The following RUNDC3B variants were observed in gnomAD, a reference collection of about 807,000 sequenced individuals.
RUNDC3B encodes RUN domain-containing protein 3B.
In RUNDC3B, 33 loss-of-function variants were observed where a neutral mutation model predicts 58.4. That is an observed-to-expected ratio of 0.56 (90% CI 0.43 to 0.75). The LOEUF is 0.75. Among genes scored for constraint, RUNDC3B ranks in the 30% least tolerant of loss-of-function variants. The pLI is 0.00. For synonymous variants in RUNDC3B, 193 were observed against 195.2 expected (o/e 0.99, Z 0.10); for missense variants, 501 against 535.7 (o/e 0.94, Z 0.64).
intron 8 of RUNDC3B, among the ~76,000 whole-genome samples, chr7:87,796,792 G>A (rs1835845447): frequency 1.3e-5 from 2 of 152,192 alleles, no homozygotes; most frequent in Admixed American, 6.5e-5. Flanking sequence ...TGCCTTGCAA[G>A]AGGGAGTCCT....
At chr7:87,666,417 A>AT (rs1211829083) in intron 2 of RUNDC3B, among the ~76,000 whole-genome samples, 1 of 151,880 alleles carries the variant, frequency 6.6e-6, no homozygotes, top group Admixed American at 6.6e-5. Flanking sequence ...GTTTGTAAAT[A>AT]TTTTTTTCCC....
chr7:87,803,156 T>C (rs1258775503), intron 8 of RUNDC3B, among the ~76,000 whole-genome samples: 2 of 152,188 alleles, frequency 1.3e-5, no homozygotes, highest in African/African-American at 2.4e-5. Flanking sequence ...ACAGAATAAA[T>C]TGTATTTATT....
chr7:87,802,957 C>T (rs1056594906), intron 8 of RUNDC3B, among the ~76,000 whole-genome samples: 2 of 151,784 alleles, frequency 1.3e-5, no homozygotes, highest in African/African-American at 2.4e-5. Flanking sequence ...TGCACTTCAC[C>T]CTGGGTGACA....
At chr7:87,728,452 A>G (rs1319250360) in intron 4 of RUNDC3B, among the ~76,000 whole-genome samples, 1 of 152,190 alleles carries the variant, frequency 6.6e-6, no homozygotes, top group Non-Finnish European at 1.5e-5. Flanking sequence ...ATTCTGAAGA[A>G]GTCTGAGATG....
At chr7:87,706,879 G>T (rs2130726149) in intron 3 of RUNDC3B, among the ~76,000 whole-genome samples, 1 of 152,262 alleles carries the variant, frequency 6.6e-6, no homozygotes, top group East Asian at 1.9e-4. Context: ...AAAGCAGCAG[G>T]GAAGAGGTAA....
chr7:87,743,402 A>G (rs1326750893), intron 6 of RUNDC3B, among the ~76,000 whole-genome samples: 1 of 152,214 alleles, frequency 6.6e-6, no homozygotes, highest in South Asian at 2.1e-4. Context: ...GCTGTTTTCC[A>G]TAGTGGCTGT....
intron 2 of RUNDC3B, among the ~76,000 whole-genome samples, chr7:87,663,423 GC>G (rs1290205455): frequency 6.6e-6 from 1 of 150,722 alleles, no homozygotes; most frequent in Non-Finnish European, 1.5e-5. Flanking sequence ...TACTTATTAA[GC>G]TTTCCCTACA....
chr7:87,717,382 T>C (rs1830613803), intron 4 of RUNDC3B, among the ~76,000 whole-genome samples: 1 of 152,040 alleles, frequency 6.6e-6, no homozygotes, highest in African/African-American at 2.4e-5. Context: ...AATATTTGCT[T>C]TATCAATTTA....
At chr7:87,670,382 T>C (rs2130513612) in intron 2 of RUNDC3B, among the ~76,000 whole-genome samples, 1 of 152,342 alleles carries the variant, frequency 6.6e-6, no homozygotes, top group Non-Finnish European at 1.5e-5. Context: ...ATCACTTTAT[T>C]GTGATTCTCA....
intron 8 of RUNDC3B, among the ~76,000 whole-genome samples, chr7:87,805,768 G>A (rs1836403450): frequency 6.6e-6 from 1 of 152,078 alleles, no homozygotes; most frequent in Non-Finnish European, 1.5e-5. Flanking sequence ...AATATTTCCT[G>A]TAAGCCAATT....
chr7:87,721,459 G>T (rs1830883315), intron 4 of RUNDC3B, among the ~76,000 whole-genome samples: 1 of 151,812 alleles, frequency 6.6e-6, no homozygotes, highest in Admixed American at 6.6e-5. Flanking sequence ...TTATGGCAAA[G>T]GTACCATAAA....
chr7:87,636,715 T>G (rs1041412206), intron 1 of RUNDC3B, among the ~76,000 whole-genome samples: 1 of 152,216 alleles, frequency 6.6e-6, no homozygotes, highest in Non-Finnish European at 1.5e-5. Context: ...CTGTAGTTTA[T>G]TTATGATGTG....
At chr7:87,695,995 C>T (rs780039940) in intron 2 of RUNDC3B, among the ~76,000 whole-genome samples, 2 of 152,016 alleles carry the variant, frequency 1.3e-5, no homozygotes, top group South Asian at 4.1e-4. Context: ...AACAGATTGT[C>T]TTTTAGTCTA....
chr7:87,821,778 C>G (rs1182126882), intron 10 of RUNDC3B, among the ~76,000 whole-genome samples: 1 of 152,164 alleles, frequency 6.6e-6, no homozygotes, highest in Non-Finnish European at 1.5e-5. Context: ...CTGACAAAAA[C>G]CAGCAATGGG....
chr7:87,727,669 C>G (rs1831319766), intron 4 of RUNDC3B, among the ~76,000 whole-genome samples: 1 of 151,972 alleles, frequency 6.6e-6, no homozygotes, highest in Non-Finnish European at 1.5e-5. Context: ...CCTTTTATTC[C>G]TTGAGCGTGT....
intron 6 of RUNDC3B, among the ~76,000 whole-genome samples, chr7:87,766,201 T>G (rs1833969439): frequency 6.6e-6 from 1 of 152,226 alleles, no homozygotes; most frequent in East Asian, 1.9e-4. Context: ...GTTAGGTGGG[T>G]CTTCGAAGAT....
intron 6 of RUNDC3B, among the ~76,000 whole-genome samples, chr7:87,753,747 T>C (rs144642588): frequency 6.6e-6 from 1 of 152,288 alleles, no homozygotes; most frequent in African/African-American, 2.4e-5. Context: ...ATCAGCAAAT[T>C]CTTTGTCAAC....
At chr7:87,743,261 G>A (rs1832448581) in intron 6 of RUNDC3B, among the ~76,000 whole-genome samples, 1 of 152,190 alleles carries the variant, frequency 6.6e-6, no homozygotes, top group Non-Finnish European at 1.5e-5. Context: ...GTTGCGAATT[G>A]TGCTGCTATA....
Position 87,749,864 on chromosome 7 carries a change from T to C in RUNDC3B, c.629+8285T>C, listed in dbSNP as rs547876505. On this transcript the variant is annotated intron_variant, in intron 6 of 10. Transcript: ENST00000394654. The stretch of plus-strand genomic sequence containing the variant: ...ATAGATACAGTATTTTCTTTCTTTT[T>C]TTTTAATTTATTTTTATTTTTTTAT... Among the ~76,000 whole-genome samples, 9 of 152,016 alleles carry C rather than the reference T, an allele frequency of 5.9e-5. No individual in the cohort carries two copies. In the East Asian group the frequency reaches 1.5e-3, roughly 26 times the overall value.
Sources: gnomAD v4.1 joint callset for allele counts (sites outside exome capture counted in the v4.1 genomes callset) on GRCh38, gnomAD v4.1.1 for gene constraint, MANE v1.5 for transcripts, NCBI Gene and HGNC (gene_info 2026-07-23, HGNC 2026-07-21) for gene names.